Variants in SERPINB8 observed in about 807,000 individuals in gnomAD.
SERPINB8 encodes the protein serpin B8.
SERPINB8 carries 25 observed loss-of-function variants against 35.3 expected under a neutral mutation model. The observed-to-expected ratio is 0.71, with a 90% CI of 0.52 to 0.99. The LOEUF (loss-of-function observed/expected upper bound fraction) is 0.99. SERPINB8 is among the 50% of genes least tolerant of loss of function. SERPINB8 has a pLI of 0.00. For synonymous variants in SERPINB8, 186 were observed against 160.8 expected, an observed-to-expected ratio of 1.16 and a Z score of -1.19; for missense variants, 484 against 446.5, an observed-to-expected ratio of 1.08 and a Z score of -0.76.
At chr18:63,977,860 A>T (rs2050607002) in intron 1 of SERPINB8, among the ~76,000 whole-genome samples, 2 of 152,216 alleles carry the variant, frequency 1.3e-5, no homozygotes, top group African/African-American at 4.8e-5. Flanking sequence ...CCTAAGTCCA[A>T]AATGGTACAG....
downstream of SERPINB8, among the ~76,000 whole-genome samples, chr18:63,990,071 G>GTT (rs747683579): frequency 0.14 from 16,181 of 115,986 alleles, 1,634 homozygotes; most frequent in Middle Eastern, 0.2. Flanking sequence ...TTGTTTTCGT[G>GTT]TTTTTTTTTT....
chr18:63,979,039 C>A (rs917270061), intron 2 of SERPINB8, among the ~76,000 whole-genome samples: 2 of 152,154 alleles, frequency 1.3e-5, no homozygotes, highest in African/African-American at 4.8e-5. Flanking sequence ...AGGAACAGTT[C>A]TCTGACTATT....
chr18:63,999,109 C>CG (rs1555716751), intron 1 of SERPINB8, among the ~76,000 whole-genome samples: 4 of 152,122 alleles, frequency 2.6e-5, no homozygotes, highest in Non-Finnish European at 5.9e-5. Flanking sequence ...AACTCAGATA[C>CG]GGGGCAAGAA....
intron 7 of SERPINB8, among the ~76,000 whole-genome samples, chr18:64,015,703 A>C (rs2050946739): frequency 1.3e-5 from 2 of 152,146 alleles, no homozygotes; most frequent in African/African-American, 4.8e-5. Flanking sequence ...CATTTGTTTC[A>C]TCTTCATCTT....
At chr18:63,996,502 T>TC (rs1444852164) in intron 1 of SERPINB8, among the ~76,000 whole-genome samples, 8 of 152,196 alleles carry the variant, frequency 5.3e-5, no homozygotes, top group Non-Finnish European at 1.2e-4. Flanking sequence ...GTGGAATGGG[T>TC]TGCAATCCAC....
intron 6 of SERPINB8, chr18:63,986,642 C>T (rs1005069634): frequency 1.5e-6 from 2 of 1,320,036 alleles, no homozygotes; most frequent in African/African-American, 3.0e-5. Context: ...TTAAAAATTT[C>T]TGCCTGTCTC....
chr18:63,972,749 C>T (rs2050508662), intron 1 of SERPINB8, among the ~76,000 whole-genome samples: 1 of 140,618 alleles, frequency 7.1e-6, no homozygotes, highest in Admixed American at 8.1e-5. Flanking sequence ...GTTTGGGTTT[C>T]TGTCTTTGTG....
rs1395211843 is a variant in SERPINB8 at position 63,981,788 on chromosome 18, C to G, written c.374C>G (p.Thr125Ser). Reference sequence around the variant, plus strand: ...GAGGAGTTGTCCTTTGCTGAAGACACTGAAGAGTGCAGGAAGCATATAAAT... The same window carrying G: ...GAGGAGTTGTCCTTTGCTGAAGACAGTGAAGAGTGCAGGAAGCATATAAAT... ...ELEELSFAED[T>S]EECRKHINDW... Residue 125 changes from threonine to serine, a missense_variant, in exon 4 of 7, where the codon ACT becomes AGT. Coordinates refer to ENST00000397985, the MANE Select transcript of SERPINB8 (RefSeq NM_002640.4). The G allele has an allele frequency of 1.9e-6, 3 of 1,613,908 alleles. No individual in the cohort carries two copies. The highest frequency in any genetic ancestry group is 2.5e-6 in the Non-Finnish European group (3 of 1,179,830).
chr18:63,991,031 G>A (rs757297044), downstream of SERPINB8, among the ~76,000 whole-genome samples: 8 of 152,198 alleles, frequency 5.3e-5, no homozygotes, highest in Non-Finnish European at 1.0e-4. Context: ...AGTTGATCAT[G>A]GATATGTGGT....
At chr18:63,976,253 G>C (rs2050580112) in intron 1 of SERPINB8, among the ~76,000 whole-genome samples, 2 of 152,150 alleles carry the variant, frequency 1.3e-5, no homozygotes, top group African/African-American at 4.8e-5. Flanking sequence ...CAAAAAGGCT[G>C]AGGGAAATTG....
At chr18:64,011,784 T>C (rs1417667547) in intron 7 of SERPINB8, among the ~76,000 whole-genome samples, 2 of 152,192 alleles carry the variant, frequency 1.3e-5, no homozygotes, top group African/African-American at 4.8e-5. Context: ...TGAAATTTAC[T>C]GTTTTCTTGC....
At chr18:63,995,891 A>G (rs1297132861) in intron 1 of SERPINB8, among the ~76,000 whole-genome samples, 1 of 152,210 alleles carries the variant, frequency 6.6e-6, no homozygotes, top group Non-Finnish European at 1.5e-5. Context: ...GACCAGCTAA[A>G]ATTAGGAATT....
Position 63,987,447 on chromosome 18 carries a change from A to T in SERPINB8, c.*169A>T. Reference sequence around the variant, plus strand: ...GTTCCAGAGCCATTGAGAATAACTGAGGCCGCAGATGCATGAAATTTGGGC... The same window carrying T: ...GTTCCAGAGCCATTGAGAATAACTGTGGCCGCAGATGCATGAAATTTGGGC... On this transcript the variant is annotated 3_prime_UTR_variant, in exon 7 of 7. Transcript: ENST00000397985. 1.4e-6 allele frequency: 1 copy of T among 724,198 alleles called. No individual in the cohort carries two copies. Among genetic ancestry groups the T allele is most frequent in the Non-Finnish European group, 2.2e-6 (1 of 456,914 alleles). The allele number at this position is 724,198 out of a possible 1,614,324, so 44.9% of individuals were successfully genotyped here. A position where few individuals can be genotyped will look rare whatever the true frequency, so the allele number is the denominator to read the frequency against.
intron 7 of SERPINB8, among the ~76,000 whole-genome samples, chr18:64,016,262 T>C (rs762011521): frequency 6.6e-6 from 1 of 152,196 alleles, no homozygotes; most frequent in Non-Finnish European, 1.5e-5. Context: ...AAGAAAGCTT[T>C]CTAGCTATCT....
chr18:64,001,331 G>A (rs60550017), intron 1 of SERPINB8, among the ~76,000 whole-genome samples: 1,601 of 152,232 alleles, frequency 0.011, 34 homozygotes, highest in African/African-American at 0.036. Context: ...TGCATTGCAC[G>A]TATTAAAAGG....
At chr18:64,014,020 A>C (rs1314826147) in intron 7 of SERPINB8, among the ~76,000 whole-genome samples, 1 of 152,206 alleles carries the variant, frequency 6.6e-6, no homozygotes, top group African/African-American at 2.4e-5. Flanking sequence ...CAGGAGAGAA[A>C]CACTTAAATT....
exon 2 of SERPINB8, chr18:64,005,257 A>G (rs1222818263): frequency 6.1e-6 from 1 of 162,636 alleles, no homozygotes; most frequent in African/African-American, 2.4e-5. Flanking sequence ...TTTTCTTGGG[A>G]ATAAATTAGT....
downstream of SERPINB8, among the ~76,000 whole-genome samples, chr18:63,993,872 T>C (rs2050836077): frequency 1.3e-5 from 2 of 152,144 alleles, no homozygotes; most frequent in Non-Finnish European, 2.9e-5. Flanking sequence ...CCTTTATGCA[T>C]CTCTACATTC....
At chr18:63,997,522 C>T (rs185306172) in intron 1 of SERPINB8, among the ~76,000 whole-genome samples, 32 of 152,300 alleles carry the variant, frequency 2.1e-4, no homozygotes, top group Non-Finnish European at 3.7e-4. Flanking sequence ...GGTTCACTGA[C>T]GGTGTCTCTT....
Sources: allele counts gnomAD v4.1 joint callset (sites outside exome capture counted in the v4.1 genomes callset), GRCh38; gene constraint gnomAD v4.1.1; transcripts MANE v1.5; gene names NCBI Gene and HGNC (gene_info 2026-07-23, HGNC 2026-07-21).